DAB1: variants seen among roughly 807,000 people sequenced by gnomAD.
The protein encoded by DAB1 is DAB adaptor protein 1, also known as disabled homolog 1.
DAB1 carries 15 observed loss-of-function variants against 64.6 expected under a neutral mutation model. That is an observed-to-expected ratio of 0.23 (90% CI 0.16 to 0.36). The LOEUF is 0.36. DAB1 is among the 10% of genes least tolerant of loss of function. The pLI, the probability that DAB1 is intolerant of heterozygous loss-of-function variation, is 1.00. For synonymous variants in DAB1, 235 were observed against 251.9 expected (o/e 0.93, Z 0.64); for missense variants, 596 against 706.7 (o/e 0.84, Z 1.78).
intron 5 of DAB1, among the ~76,000 whole-genome samples, chr1:57,935,015 A>C (rs967182889): frequency 6.6e-6 from 1 of 152,198 alleles, no homozygotes; most frequent in Admixed American, 6.5e-5. Flanking sequence ...TCTAAGACTC[A>C]GTCTCTTGTT....
chr1:57,621,691 TA>T (rs1645861709), intron 7 of DAB1, among the ~76,000 whole-genome samples: 1 of 152,060 alleles, frequency 6.6e-6, no homozygotes, highest in South Asian at 2.1e-4. Flanking sequence ...ATCTCTTTGG[TA>T]TTAAGTGGGA....
intron 6 of DAB1, among the ~76,000 whole-genome samples, chr1:57,785,685 A>G (rs1433069540): frequency 6.6e-6 from 1 of 152,204 alleles, no homozygotes; most frequent in Non-Finnish European, 1.5e-5. Context: ...CTAACAGATA[A>G]GGAGTTGCTT....
intron 5 of DAB1, chr1:58,074,564 G>GTGTATATATATATATATATA (rs1332531604): frequency 2.2e-5 from 2 of 91,640 alleles, no homozygotes; most frequent in African/African-American, 8.7e-5. Flanking sequence ...ATATATGTGT[G>GTGTATATATATATATATATA]TATATATATA....
At chr1:58,354,393 A>G (rs1644088759) in intron 3 of DAB1, among the ~76,000 whole-genome samples, 3 of 152,176 alleles carry the variant, frequency 2.0e-5, no homozygotes, top group Non-Finnish European at 4.4e-5. Context: ...TAATTGGTGC[A>G]CCTTCTCTCG....
chr1:57,092,531 C>T (rs892351742), intron 4 of DAB1, among the ~76,000 whole-genome samples: 1 of 152,110 alleles, frequency 6.6e-6, no homozygotes, highest in Non-Finnish European at 1.5e-5. Context: ...GTACTTGCTT[C>T]TTCTTAGCCT....
chr1:57,616,595 C>T (rs1011393193), intron 7 of DAB1, among the ~76,000 whole-genome samples: 23 of 152,092 alleles, frequency 1.5e-4, no homozygotes, highest in South Asian at 1.3e-3. Flanking sequence ...ATAATGGCAG[C>T]GCAGGCATTA....
At chr1:58,061,721 T>A (rs1648513664) in intron 5 of DAB1, among the ~76,000 whole-genome samples, 1 of 152,174 alleles carries the variant, frequency 6.6e-6, no homozygotes, top group Admixed American at 6.5e-5. Context: ...CTAAGGCTGT[T>A]CTCTTCTCAG....
intron 9 of DAB1, among the ~76,000 whole-genome samples, chr1:57,041,559 G>T (rs951989892): frequency 6.6e-6 from 1 of 152,150 alleles, no homozygotes; most frequent in South Asian, 2.1e-4. Flanking sequence ...AATTAGACTC[G>T]ATTACTATCC....
chr1:57,984,433 C>G (rs995618691), intron 5 of DAB1, among the ~76,000 whole-genome samples: 34 of 152,062 alleles, frequency 2.2e-4, no homozygotes, highest in African/African-American at 7.7e-4. Flanking sequence ...GAGGCAGGCA[C>G]TCTAGGAGGA....
chr1:57,327,783 C>T (rs267648), intron 1 of DAB1, among the ~76,000 whole-genome samples: 14 of 152,078 alleles, frequency 9.2e-5, no homozygotes, highest in Admixed American at 2.0e-4. Context: ...GAGATTTGAG[C>T]GGCCAAATCA....
chr1:57,115,875 A>T (rs1656061149), intron 4 of DAB1, among the ~76,000 whole-genome samples: 1 of 152,190 alleles, frequency 6.6e-6, no homozygotes, highest in African/African-American at 2.4e-5. Context: ...GACTGGGTTG[A>T]AACATCTCTT....
At chr1:58,263,434 CAG>C (rs1661093669) in intron 4 of DAB1, among the ~76,000 whole-genome samples, 2 of 151,952 alleles carry the variant, frequency 1.3e-5, no homozygotes, top group African/African-American at 4.8e-5. Context: ...CTGTTCATCT[CAG>C]GGCAAAAAGG....
chr1:58,017,064 C>A (rs946380031), intron 5 of DAB1, among the ~76,000 whole-genome samples: 1 of 151,958 alleles, frequency 6.6e-6, no homozygotes, highest in Non-Finnish European at 1.5e-5. Context: ...GGGGGCAGCA[C>A]CATAATGGGA....
chr1:57,913,737 C>G (rs1644683501), intron 5 of DAB1, among the ~76,000 whole-genome samples: 1 of 150,684 alleles, frequency 6.6e-6, no homozygotes, highest in Non-Finnish European at 1.5e-5. Context: ...AGAACTCAAA[C>G]AAATTTACAA....
At chr1:57,852,862 G>C (rs1184150454) in intron 1 of DAB1, among the ~76,000 whole-genome samples, 1 of 152,060 alleles carries the variant, frequency 6.6e-6, no homozygotes, top group East Asian at 1.9e-4. Flanking sequence ...AGAGAATACT[G>C]ACTGTTTTGT....
chr1:58,483,588 G>C (rs28529311), intron 3 of DAB1, among the ~76,000 whole-genome samples: 47,795 of 152,086 alleles, frequency 0.31, 8,001 homozygotes, highest in African/African-American at 0.43. Context: ...CTTATATCTA[G>C]TGAGTGTTAA....
rs1682150602 is a variant in DAB1, at chr1:57,389,409, C to T, written c.-137+34521G>A. Reference sequence around the variant, plus strand: ...CTACCACCACAGCTCAATTCCTCTACTCAGCACAATCCAAGATCCCTGGGG... The same window carrying T: ...CTACCACCACAGCTCAATTCCTCTATTCAGCACAATCCAAGATCCCTGGGG... On this transcript the variant is annotated intron_variant, in intron 1 of 14. Transcript: ENST00000371236. Among the ~76,000 whole-genome samples the T allele has an allele frequency of 1.3e-5, 2 of 152,168 alleles. 1 individual carries two copies. The highest frequency in any genetic ancestry group is 1.3e-4 in the Admixed American group (2 of 15,276).
At chr1:57,984,184 A>AAAAAGAAAGAAAGAAAGAAAGAAAG (rs1276859040) in intron 5 of DAB1, among the ~76,000 whole-genome samples, 1 of 50,716 alleles carries the variant, frequency 2.0e-5, no homozygotes, top group South Asian at 7.2e-4. Flanking sequence ...TAGCTTAAAA[A>AAAAAGAAAGAAAGAAAGAAAGAAAG]AAAGAAAGAA....
At chr1:57,610,170 T>A (rs1371994427) in intron 7 of DAB1, among the ~76,000 whole-genome samples, 1 of 152,242 alleles carries the variant, frequency 6.6e-6, no homozygotes, top group African/African-American at 2.4e-5. Context: ...CTTTTCATTC[T>A]GAGCACACAG....
Sources: gnomAD v4.1 joint callset for allele counts (sites outside exome capture counted in the v4.1 genomes callset) on GRCh38, gnomAD v4.1.1 for gene constraint, MANE v1.5 for transcripts, NCBI Gene and HGNC (gene_info 2026-07-23, HGNC 2026-07-21) for gene names.